Variants in FAM91A1 observed in about 807,000 individuals in gnomAD.
The protein encoded by FAM91A1 is family with sequence similarity 91 member A1.
FAM91A1 carries 41 observed loss-of-function variants against 113.5 expected under a neutral mutation model. That is an observed-to-expected ratio of 0.36 (90% CI 0.28 to 0.47). FAM91A1 has a LOEUF of 0.47. FAM91A1 is among the 20% of genes least tolerant of loss of function. The probability of loss-of-function intolerance (pLI) is 1.00; values close to 1 mark genes in which losing one functional copy is unlikely to be tolerated. For synonymous variants in FAM91A1, 307 were observed against 347.9 expected, an observed-to-expected ratio of 0.88 and a Z score of 1.31; for missense variants, 696 against 1,001.2, an observed-to-expected ratio of 0.70 and a Z score of 4.11.
chr8:123,808,824 C>A, intron 21 of FAM91A1, 69 bp from the exon 22 acceptor site: 1 of 1,366,074 alleles, frequency 7.3e-7, no homozygotes, highest in Non-Finnish European at 9.8e-7. Context: ...AAACCCTTGT[C>A]AGTTATATAT....
chr8:123,808,414 A>G, intron 21 of FAM91A1, 38 bp downstream of exon 21: 1 of 1,540,786 alleles, frequency 6.5e-7, no homozygotes, highest in Non-Finnish European at 8.9e-7. Context: ...TATTAGACTA[A>G]TTTCTGAGGT....
At chr8:123,781,460 T>C (rs1453167071) in intron 8 of FAM91A1, among the ~76,000 whole-genome samples, 2 of 151,322 alleles carry the variant, frequency 1.3e-5, no homozygotes, top group Non-Finnish European at 2.9e-5. Context: ...ATTTTAAACC[T>C]TGTGCATATG....
intron 21 of FAM91A1, 130 bp from the exon 22 acceptor site, chr8:123,808,763 C>CTT: frequency 1.1e-6 from 1 of 883,376 alleles, no homozygotes; most frequent in Non-Finnish European, 1.6e-6. Flanking sequence ...CCTGCCAAGC[C>CTT]CACTGGTGGA....
intron 7 of FAM91A1, 22 bp from the exon 8 acceptor site, chr8:123,780,458 C>G: frequency 1.3e-6 from 2 of 1,583,452 alleles, no homozygotes; most frequent in Non-Finnish European, 1.7e-6. Context: ...CCATCTAAAA[C>G]AAGGTACTTT....
At position 123,805,359 on chromosome 8, in the gene FAM91A1, T is replaced by A. The variant is rs781633716; in HGVS notation, c.1882+20T>A. 3 of 1,561,654 alleles carry A rather than the reference T, an allele frequency of 1.9e-6. No homozygotes were observed. Among genetic ancestry groups the A allele is most frequent in the South Asian group, 2.4e-5 (2 of 84,166 alleles). ...AAGGAGGTACCTTTTGAATTGTATC[T>A]ATTGACTTTTTTTTTTTTTTAATTA... On this transcript the variant is annotated intron_variant, in intron 19 of 23. Coordinates refer to ENST00000334705, the MANE Select transcript of FAM91A1 (RefSeq NM_144963.4).
Position 123,812,903 on chromosome 8 carries a change from G to A in FAM91A1, c.*199G>A, listed in dbSNP as rs1195586957. 1 of 470,886 alleles carries A rather than the reference G, an allele frequency of 2.1e-6. No individual in the cohort carries two copies. The highest frequency in any genetic ancestry group is 3.7e-6 in the Non-Finnish European group (1 of 268,912). 29.2% of individuals were successfully genotyped at this position (470,886 alleles called of 1,614,324 possible). Reference sequence around the variant, plus strand: ...TCTTATTGCGACAAAGTGCTTTTTAGCAGCCAGCACTGTATTTTTTACCTT... The same window carrying A: ...TCTTATTGCGACAAAGTGCTTTTTAACAGCCAGCACTGTATTTTTTACCTT... On this transcript the variant is annotated 3_prime_UTR_variant, in exon 24 of 24. Coordinates refer to ENST00000334705, the MANE Select transcript of FAM91A1 (RefSeq NM_144963.4).
chr8:123,775,394 C>T (rs1042353948), intron 3 of FAM91A1, 96 bp downstream of exon 3: 25 of 1,406,718 alleles, frequency 1.8e-5, no homozygotes, highest in South Asian at 2.8e-5. Flanking sequence ...CTGTCGTCTG[C>T]GGTGGACACT....
intron 14 of FAM91A1, among the ~76,000 whole-genome samples, chr8:123,789,290 C>G (rs946531274): frequency 2.6e-5 from 4 of 152,124 alleles, no homozygotes; most frequent in African/African-American, 7.2e-5. Context: ...GGAGTACTTT[C>G]CTAGATGGAG....
At chr8:123,803,237 G>GTTTT (rs34024144) in intron 18 of FAM91A1, among the ~76,000 whole-genome samples, 7 of 145,162 alleles carry the variant, frequency 4.8e-5, no homozygotes, top group African/African-American at 1.8e-4. Context: ...GCTAAGTTAG[G>GTTTT]TTTTTTTTTT....
In FAM91A1 at chr8:123,780,009, G is replaced by A. The variant is rs569914662; in HGVS notation, c.574G>A (p.Ala192Thr). Reference sequence around the variant, plus strand: ...GATATGCACTTTGCCTGAGAAATGCGCTGTTGATAAGATCATCGATTCAGG... The same window carrying A: ...GATATGCACTTTGCCTGAGAAATGCACTGTTGATAAGATCATCGATTCAGG... ...IKICTLPEKC[A>T]VDKIIDSGPQ... Residue 192 changes from alanine to threonine, a missense_variant, in exon 7 of 24, where the codon GCT (alanine) becomes ACT (threonine). Ala to Thr is a moderately conservative substitution (Grantham distance 58). Transcript: ENST00000334705. The A allele has an allele frequency of 3.7e-6, 6 of 1,612,786 alleles. No homozygotes were observed. In the African/African-American group the frequency reaches 4.0e-5, roughly 11 times the overall value.
At chr8:123,806,431 A>G (rs1356103833) in intron 20 of FAM91A1, among the ~76,000 whole-genome samples, 2 of 152,196 alleles carry the variant, frequency 1.3e-5, no homozygotes, top group African/African-American at 4.8e-5. Flanking sequence ...GGATTGGGGT[A>G]CAGAATGGTT....
intron 22 of FAM91A1, 109 bp downstream of exon 22, chr8:123,809,125 A>G (rs1468475851): frequency 8.5e-6 from 12 of 1,415,986 alleles, no homozygotes; most frequent in Non-Finnish European, 1.1e-5. Context: ...ATTGTTCTGT[A>G]TATATTTGTT....
intron 19 of FAM91A1, 112 bp from the exon 20 acceptor site, chr8:123,805,968 A>C (rs1475990192): frequency 2.0e-6 from 2 of 1,003,448 alleles, no homozygotes; most frequent in East Asian, 5.7e-5. Context: ...ATCAATTATG[A>C]TGTATTAAAG....
intron 1 of FAM91A1, among the ~76,000 whole-genome samples, chr8:123,771,131 C>A (rs1814827196): frequency 6.6e-6 from 1 of 152,178 alleles, no homozygotes; most frequent in Non-Finnish European, 1.5e-5. Flanking sequence ...TGGGAGGTTT[C>A]CCTGACCACC....
chr8:123,778,348 A>T (rs1459811269), intron 5 of FAM91A1, among the ~76,000 whole-genome samples: 1 of 152,186 alleles, frequency 6.6e-6, no homozygotes, highest in Non-Finnish European at 1.5e-5. Context: ...TTCTACTTGT[A>T]CAGTTCACTT....
rs1006602868 is a variant in FAM91A1, at chr8:123,812,845, C to T, written c.*141C>T. 1.9e-5 allele frequency: 15 copies of T among 777,314 alleles called. No individual in the cohort carries two copies. The highest frequency in any genetic ancestry group is 2.9e-5 in the Non-Finnish European group (15 of 524,000). 48.2% of individuals were successfully genotyped at this position (777,314 alleles called of 1,614,324 possible). On this transcript the variant is annotated 3_prime_UTR_variant, in exon 24 of 24. Coordinates refer to ENST00000334705, the MANE Select transcript of FAM91A1 (RefSeq NM_144963.4). Reference sequence around the variant, plus strand: ...AATATTAAAAGTTGGGGAACATATTCATGTTTTCTGAAGTTTTGCTCATTA... The same window carrying T: ...AATATTAAAAGTTGGGGAACATATTTATGTTTTCTGAAGTTTTGCTCATTA...
At chr8:123,782,869 C>T (rs1163546343) in intron 8 of FAM91A1, among the ~76,000 whole-genome samples, 3 of 152,030 alleles carry the variant, frequency 2.0e-5, no homozygotes, top group Non-Finnish European at 2.9e-5. Flanking sequence ...TTCTTTATCT[C>T]TCAAAATAGG....
In FAM91A1 at chr8:123,810,296, T is replaced by C; in HGVS notation, c.2276T>C (p.Leu759Ser). ...LCRKESLQNLLHSSRKLSLQV... is the reference protein window; with the variant it reads ...LCRKESLQNLSHSSRKLSLQV... The stretch of plus-strand genomic sequence containing the variant: ...TTTTTTTTCAGCCTTCAAAACCTCT[T>C]ACATTCCAGTAGAAAACTCTCTCTG... The change falls in exon 23 of 24, where the codon TTA becomes TCA. Residue 759 changes from leucine to serine, a missense_variant. By Grantham distance (145) the Leu-to-Ser change is moderately radical. Coordinates refer to ENST00000334705, the MANE Select transcript of FAM91A1 (RefSeq NM_144963.4). The C allele has an allele frequency of 6.2e-7, 1 of 1,610,220 alleles. No homozygotes were observed. Among genetic ancestry groups the C allele is most frequent in the South Asian group, 1.1e-5 (1 of 89,526 alleles).
chr8:123,787,888 T>G (rs1815297387), intron 14 of FAM91A1, 138 bp downstream of exon 14: 1 of 611,378 alleles, frequency 1.6e-6, no homozygotes, highest in South Asian at 2.7e-5. Context: ...TTCCCCAAAT[T>G]AGTACTCTTA....
Sources: allele counts gnomAD v4.1 joint callset (sites outside exome capture counted in the v4.1 genomes callset), GRCh38; gene constraint gnomAD v4.1.1; transcripts MANE v1.5; gene names NCBI Gene and HGNC (gene_info 2026-07-23, HGNC 2026-07-21).